ENTREP2: variants seen among roughly 807,000 people sequenced by gnomAD.
ENTREP2 encodes the protein protein ENTREP2.
At chr15:29,126,430 T>G in the ENTREP2 span, 6 of 1,549,902 alleles carry the variant, frequency 3.9e-6, no homozygotes, top group Non-Finnish European at 5.2e-6. Flanking sequence ...CATCGGGGGA[T>G]GGGCTGGAAC....
the ENTREP2 span, among the ~76,000 whole-genome samples, chr15:29,360,702 A>C: frequency 6.6e-6 from 1 of 152,096 alleles, no homozygotes; most frequent in Non-Finnish European, 1.5e-5. Flanking sequence ...GGAACAGGAG[A>C]CCGAGGATCC....
chr15:29,383,247 G>A, the ENTREP2 span, among the ~76,000 whole-genome samples: 5 of 152,198 alleles, frequency 3.3e-5, no homozygotes, highest in African/African-American at 9.6e-5. Context: ...TCTGCTCCTG[G>A]CATCTGTCCA....
At chr15:29,384,226 C>T in the ENTREP2 span, among the ~76,000 whole-genome samples, 1 of 152,202 alleles carries the variant, frequency 6.6e-6, no homozygotes, top group African/African-American at 2.4e-5. Flanking sequence ...CAGACCCTGA[C>T]TTCACTCCTC....
chr15:29,381,195 G>C, the ENTREP2 span, among the ~76,000 whole-genome samples: 1 of 146,708 alleles, frequency 6.8e-6, no homozygotes, highest in African/African-American at 2.5e-5. Context: ...AGTGGCTCAT[G>C]CCTGTAATCC....
At chr15:29,174,683 C>T in the ENTREP2 span, among the ~76,000 whole-genome samples, 1 of 146,552 alleles carries the variant, frequency 6.8e-6, no homozygotes, top group South Asian at 2.1e-4. Context: ...GAGTGAGACT[C>T]CAACTAAACA....
the ENTREP2 span, among the ~76,000 whole-genome samples, chr15:29,588,235 T>C: frequency 6.6e-6 from 1 of 152,036 alleles, no homozygotes; most frequent in Non-Finnish European, 1.5e-5. Flanking sequence ...AGTAATCATG[T>C]TGAACTGCAC....
chr15:29,657,403 G>C, the ENTREP2 span, among the ~76,000 whole-genome samples: 1 of 136,536 alleles, frequency 7.3e-6, no homozygotes, highest in East Asian at 2.4e-4. Context: ...GTGAGCAGTA[G>C]CAGCTATAAA....
chr15:29,567,949 C>T, the ENTREP2 span, among the ~76,000 whole-genome samples: 1 of 152,146 alleles, frequency 6.6e-6, no homozygotes. Context: ...CTTTATGAAG[C>T]CAGCCCAGCC....
chr15:29,203,235 T>C, the ENTREP2 span, among the ~76,000 whole-genome samples: 2 of 152,210 alleles, frequency 1.3e-5, no homozygotes, highest in Non-Finnish European at 2.9e-5. Flanking sequence ...ACCCCGTCTC[T>C]ACTAAAAATA....
chr15:29,134,239 C>G, the ENTREP2 span, among the ~76,000 whole-genome samples: 1 of 152,204 alleles, frequency 6.6e-6, no homozygotes, highest in South Asian at 2.1e-4. Flanking sequence ...TATAAAAACA[C>G]CTAAGAACAT....
chr15:29,420,299 A>G, the ENTREP2 span, among the ~76,000 whole-genome samples: 1 of 152,194 alleles, frequency 6.6e-6, no homozygotes, highest in Admixed American at 6.5e-5. Flanking sequence ...CCCTCACAGT[A>G]TGACATCCAC....
At chr15:29,443,518 G>A in the ENTREP2 span, among the ~76,000 whole-genome samples, 11 of 152,248 alleles carry the variant, frequency 7.2e-5, no homozygotes, top group African/African-American at 1.2e-4. Context: ...TGGGGCCCAC[G>A]GGTCTGGTGG....
the ENTREP2 span, among the ~76,000 whole-genome samples, chr15:29,221,791 G>A: frequency 2.0e-5 from 3 of 152,238 alleles, no homozygotes; most frequent in South Asian, 6.2e-4. Context: ...ATCGTGCTGG[G>A]TAACAGGAAA....
At chr15:29,381,925 G>T in the ENTREP2 span, 1 of 1,165,740 alleles carries the variant, frequency 8.6e-7, no homozygotes, top group Non-Finnish European at 1.2e-6. Context: ...GGAGAAGGAC[G>T]TGTGGAACAC....
the ENTREP2 span, among the ~76,000 whole-genome samples, chr15:29,629,006 T>C: frequency 6.3e-4 from 96 of 152,320 alleles, no homozygotes; most frequent in African/African-American, 2.3e-3. Context: ...CGCCTCGGCC[T>C]CCCAGAGTGC....
chr15:29,282,612 C>T, the ENTREP2 span, among the ~76,000 whole-genome samples: 1 of 152,170 alleles, frequency 6.6e-6, no homozygotes, highest in Non-Finnish European at 1.5e-5. Flanking sequence ...CATCTCTTCT[C>T]CACCCACCTC....
the ENTREP2 span, among the ~76,000 whole-genome samples, chr15:29,560,743 G>T: frequency 3.0e-4 from 45 of 152,112 alleles, no homozygotes; most frequent in African/African-American, 1.0e-3. Flanking sequence ...CCCTGTGGCA[G>T]CACCTGGCTC....
chr15:29,370,768 G>A, the ENTREP2 span, among the ~76,000 whole-genome samples: 4 of 152,156 alleles, frequency 2.6e-5, no homozygotes, highest in African/African-American at 4.8e-5. Context: ...GGCCTAGAGT[G>A]TGAGAGCATG....
chr15:29,444,292 A>G, the ENTREP2 span, among the ~76,000 whole-genome samples: 1 of 152,184 alleles, frequency 6.6e-6, no homozygotes, highest in Non-Finnish European at 1.5e-5. Context: ...CCAAGTATGC[A>G]TTCTTCTCAG....
Sources: gnomAD v4.1 joint callset for allele counts (sites outside exome capture counted in the v4.1 genomes callset) on GRCh38, gnomAD v4.1.1 for gene constraint, MANE v1.5 for transcripts, NCBI Gene and HGNC (gene_info 2026-07-23, HGNC 2026-07-21) for gene names.